Variants in EFEMP1 observed in about 807,000 individuals in gnomAD.
The protein encoded by EFEMP1 is EGF-containing fibulin-like extracellular matrix protein 1.
A neutral mutation model predicts 65.7 loss-of-function variants in EFEMP1; 18 were observed. The ratio of observed to expected loss-of-function variants is 0.27; its 90% confidence interval spans 0.19 to 0.41. The LOEUF is 0.41. EFEMP1 is among the 10% of genes least tolerant of loss of function. EFEMP1 has a pLI of 1.00. For missense variants in EFEMP1, 469 were observed against 624.8 expected, an observed-to-expected ratio of 0.75 and a Z score of 2.66; for synonymous variants, 237 against 219.7, an observed-to-expected ratio of 1.08 and a Z score of -0.70.
Position 55,919,844 on chromosome 2 carries a change from A to G in EFEMP1, c.82-1577T>C, listed in dbSNP as rs1034383309. ...CGAAACCCAGGATTCCAACTTTAAC[A>G]TCAGTGCTGAATGCTCCACTTATTT... On this transcript the variant is annotated intron_variant, in intron 3 of 11. Coordinates refer to ENST00000355426, the MANE Select transcript of EFEMP1 (RefSeq NM_001039348.3). This position sits in a 1 kb window ranked among gnomAD's most constrained non-coding sequence, Gnocchi z 4.5. Among the ~76,000 whole-genome samples, 1 of 152,202 alleles carries G rather than the reference A, an allele frequency of 6.6e-6. No individual in the cohort carries two copies. Among genetic ancestry groups the G allele is most frequent in the Admixed American group, 6.5e-5 (1 of 15,280 alleles).
At chr2:55,905,176 A>C (rs1362430920) in intron 5 of EFEMP1, among the ~76,000 whole-genome samples, 1 of 152,090 alleles carries the variant, frequency 6.6e-6, no homozygotes, top group African/African-American at 2.4e-5. Flanking sequence ...TGTTGCTTGC[A>C]GTTAGTTTTA....
chr2:55,888,268 G>T (rs1669497129), intron 5 of EFEMP1, among the ~76,000 whole-genome samples: 1 of 151,542 alleles, frequency 6.6e-6, no homozygotes, highest in Non-Finnish European at 1.5e-5. Flanking sequence ...TAATTGTTAG[G>T]AGTATTTTCT....
chr2:55,914,357 G>T (rs570161998), intron 5 of EFEMP1, among the ~76,000 whole-genome samples: 1 of 152,196 alleles, frequency 6.6e-6, no homozygotes, highest in African/African-American at 2.4e-5. Context: ...ATGTTATGTT[G>T]TATTTCAAAC....
chr2:55,867,645 A>C lies in EFEMP1; in HGVS notation c.1321-411T>G, dbSNP rs1240775844. On this transcript the variant is annotated intron_variant, in intron 11 of 11. Transcript: ENST00000355426. The surrounding 1 kb of genome is among the most constrained non-coding windows in gnomAD (Gnocchi z 4.3). ...TGTTTACATTCTAGTAAGTAAAGAG[A>C]AATGGAAACAGTTTTTCAACAGAAT... 6.6e-6 allele frequency among the ~76,000 whole-genome samples: 1 copy of C among 152,042 alleles called. No homozygotes were observed. Among genetic ancestry groups the C allele is most frequent in the Non-Finnish European group, 1.5e-5 (1 of 68,010 alleles).
At chr2:55,918,151 A>T (rs1670777147) in intron 4 of EFEMP1, 68 bp downstream of exon 4, 1 of 1,612,520 alleles carries the variant, frequency 6.2e-7, no homozygotes. Flanking sequence ...CAGACAGGAC[A>T]GGAAGAGTGA....
intron 8 of EFEMP1, among the ~76,000 whole-genome samples, chr2:55,876,205 A>G (rs945297678): frequency 2.0e-5 from 3 of 152,032 alleles, no homozygotes; most frequent in Non-Finnish European, 4.4e-5. Context: ...ATGTTTTGAC[A>G]TGCACTTGGC....
At chr2:55,915,893 T>C (rs1670658809) in intron 5 of EFEMP1, among the ~76,000 whole-genome samples, 1 of 152,124 alleles carries the variant, frequency 6.6e-6, no homozygotes, top group African/African-American at 2.4e-5. Flanking sequence ...ACATAATCCT[T>C]AAATTCAATA....
Position 55,918,070 on chromosome 2 carries a change from TAAGTC to T in EFEMP1, c.131-24_131-20del. On this transcript the variant is annotated intron_variant, in intron 4 of 11. Coordinates refer to ENST00000355426, the MANE Select transcript of EFEMP1 (RefSeq NM_001039348.3). The stretch of plus-strand genomic sequence containing the variant: ...TCAATATCTGTGGTCAGTAATAAAA[TAAGTC>T]AGGAATCTTCTAAGAGGGAAAAATC... 1 of 1,614,170 alleles carries T rather than the reference TAAGTC, an allele frequency of 6.2e-7. No individual in the cohort carries two copies. Among genetic ancestry groups the T allele is most frequent in the Non-Finnish European group, 8.5e-7 (1 of 1,180,030 alleles).
intron 5 of EFEMP1, among the ~76,000 whole-genome samples, chr2:55,912,501 G>C (rs1188953279): frequency 2.0e-5 from 3 of 152,140 alleles, no homozygotes; most frequent in African/African-American, 7.2e-5. Flanking sequence ...GTTACTTCAA[G>C]TTCCTCTTTG....
intron 5 of EFEMP1, among the ~76,000 whole-genome samples, chr2:55,899,021 C>T (rs1433231904): frequency 2.0e-5 from 3 of 152,190 alleles, no homozygotes; most frequent in Non-Finnish European, 4.4e-5. Flanking sequence ...CATTATGCTG[C>T]ACCTAGGGTG....
intron 5 of EFEMP1, among the ~76,000 whole-genome samples, chr2:55,891,329 G>C (rs1669619419): frequency 1.3e-5 from 2 of 152,100 alleles, no homozygotes; most frequent in Non-Finnish European, 2.9e-5. Flanking sequence ...TTTAAAAACA[G>C]TGTTAACATG....
intron 5 of EFEMP1, among the ~76,000 whole-genome samples, chr2:55,891,195 G>C (rs1669615869): frequency 6.6e-6 from 1 of 152,072 alleles, no homozygotes; most frequent in Non-Finnish European, 1.5e-5. Flanking sequence ...CTCAGTGTAA[G>C]AGAAAATGTG....
Position 55,917,565 on chromosome 2 carries a change from G to T in EFEMP1, c.517+100C>A. The T allele has an allele frequency of 6.9e-7, 1 of 1,457,926 alleles. No homozygotes were observed. Among genetic ancestry groups the T allele is most frequent in the Non-Finnish European group, 9.6e-7 (1 of 1,038,538 alleles). 90.3% of individuals were successfully genotyped at this position (1,457,926 alleles called of 1,614,324 possible). ...ATGCAGACAAAGCACTTAGCATGAT[G>T]TCTGGCACGCGAGAAGTCCTTAATA... On this transcript the variant is annotated intron_variant, in intron 5 of 11. Coordinates refer to ENST00000355426, the MANE Select transcript of EFEMP1 (RefSeq NM_001039348.3). The surrounding 1 kb of genome is among the most constrained non-coding windows in gnomAD (Gnocchi z 6.3).
At chr2:55,884,520 A>G (rs1429067506) in intron 5 of EFEMP1, among the ~76,000 whole-genome samples, 1 of 152,202 alleles carries the variant, frequency 6.6e-6, no homozygotes, top group African/African-American at 2.4e-5. Flanking sequence ...ATGACAGTCC[A>G]CTGCCCTCTA....
At chr2:55,900,546 G>T (rs535149844) in intron 5 of EFEMP1, among the ~76,000 whole-genome samples, 1 of 152,278 alleles carries the variant, frequency 6.6e-6, no homozygotes, top group South Asian at 2.1e-4. Context: ...GCTGTATTAT[G>T]CACTTTTAAA....
At position 55,866,198 on chromosome 2, in the gene EFEMP1, T is replaced by C. The variant is rs941993096; in HGVS notation, c.*875A>G. ...TTTTAGTTATAAATTAGTGAAGTGT[T>C]AGGATTTAAATTTTACTTAGAAATT... On this transcript the variant is annotated 3_prime_UTR_variant, in exon 12 of 12. Coordinates refer to ENST00000355426, the MANE Select transcript of EFEMP1 (RefSeq NM_001039348.3). 6.6e-6 allele frequency: 1 copy of C among 152,188 alleles called. No homozygotes were observed. The highest frequency in any genetic ancestry group is 2.4e-5 in the African/African-American group (1 of 41,458). 9.4% of individuals were successfully genotyped at this position (152,188 alleles called of 1,614,324 possible).
In EFEMP1 at chr2:55,921,623, T is replaced by C. The variant is rs1053358959; in HGVS notation, c.81+737A>G. On this transcript the variant is annotated intron_variant, in intron 3 of 11. Coordinates refer to ENST00000355426, the MANE Select transcript of EFEMP1 (RefSeq NM_001039348.3). The surrounding 1 kb of genome is among the most constrained non-coding windows in gnomAD (Gnocchi z 4.1). ...AAGTCAGTACTGTCCTTCTCTGTTC[T>C]CACCACAACTATTTGTAGCAGTGGG... Among the ~76,000 whole-genome samples, 4 of 152,240 alleles carry C rather than the reference T, an allele frequency of 2.6e-5. No individual in the cohort carries two copies. The highest frequency in any genetic ancestry group is 1.3e-4 in the Admixed American group (2 of 15,288).
intron 5 of EFEMP1, among the ~76,000 whole-genome samples, chr2:55,898,383 T>C (rs1669909789): frequency 1.3e-5 from 2 of 152,196 alleles, no homozygotes; most frequent in African/African-American, 4.8e-5. Context: ...TAATGAATTA[T>C]CTATTATAAA....
intron 5 of EFEMP1, among the ~76,000 whole-genome samples, chr2:55,895,308 C>T (rs1019365698): frequency 2.6e-5 from 4 of 152,232 alleles, no homozygotes; most frequent in African/African-American, 7.2e-5. Context: ...ATAAAATTGT[C>T]TTTTCCTTGG....
Sources: gnomAD v4.1 joint callset for allele counts (sites outside exome capture counted in the v4.1 genomes callset) on GRCh38, gnomAD v4.1.1 for gene constraint, Gnocchi (gnomAD v3.1) non-coding constraint, MANE v1.5 for transcripts, NCBI Gene and HGNC (gene_info 2026-07-23, HGNC 2026-07-21) for gene names.